The following PIP5K1B variants were observed in gnomAD, a reference collection of about 807,000 sequenced individuals.
The protein encoded by PIP5K1B is phosphatidylinositol 4-phosphate 5-kinase type-1 beta.
A neutral mutation model predicts 67.0 loss-of-function variants in PIP5K1B; 42 were observed. The ratio of observed to expected loss-of-function variants is 0.63; its 90% CI spans 0.49 to 0.81. The LOEUF (loss-of-function observed/expected upper bound fraction) is 0.81. Among genes scored for constraint, PIP5K1B ranks in the 30% least tolerant of loss-of-function variants. The pLI, the probability that PIP5K1B is intolerant of heterozygous loss-of-function variation, is 0.00. For missense variants in PIP5K1B, 459 were observed against 646.3 expected (o/e 0.71, Z 3.14); for synonymous variants, 214 against 231.4 (o/e 0.92, Z 0.68).
chr9:68,804,496 C>G (rs1460556628), intron 2 of PIP5K1B, among the ~76,000 whole-genome samples: 1 of 152,024 alleles, frequency 6.6e-6, no homozygotes, highest in Admixed American at 6.6e-5. Context: ...TTAAGAGCCA[C>G]TTTGGAACTG....
chr9:68,847,034 A>G (rs1279323973), intron 4 of PIP5K1B, among the ~76,000 whole-genome samples: 2 of 152,036 alleles, frequency 1.3e-5, no homozygotes, highest in East Asian at 3.9e-4. Context: ...CTTCATTTTT[A>G]TTTTTTTCTT....
intron 8 of PIP5K1B, among the ~76,000 whole-genome samples, chr9:68,915,951 G>A (rs1320815153): frequency 6.6e-6 from 1 of 152,190 alleles, no homozygotes; most frequent in African/African-American, 2.4e-5. Flanking sequence ...TGAAGTGGCA[G>A]CCACAGGTAA....
chr9:68,748,572 G>A (rs1183342410), intron 2 of PIP5K1B, among the ~76,000 whole-genome samples: 3 of 150,372 alleles, frequency 2.0e-5, no homozygotes, highest in African/African-American at 7.3e-5. Flanking sequence ...TAGTTTTCTT[G>A]CAGTAGGCAC....
chr9:68,730,321 A>AT (rs959621234), intron 1 of PIP5K1B, among the ~76,000 whole-genome samples: 10 of 152,204 alleles, frequency 6.6e-5, no homozygotes, highest in African/African-American at 2.2e-4. Flanking sequence ...GGTCAACAAG[A>AT]TTTGGAGCAC....
chr9:68,879,210 G>A (rs1351519364), intron 6 of PIP5K1B, among the ~76,000 whole-genome samples: 1 of 152,224 alleles, frequency 6.6e-6, no homozygotes, highest in Admixed American at 6.5e-5. Context: ...ATCTATGGAT[G>A]AAATGGTTTG....
intron 4 of PIP5K1B, among the ~76,000 whole-genome samples, chr9:68,845,498 T>A (rs947154053): frequency 6.6e-6 from 1 of 152,160 alleles, no homozygotes; most frequent in Non-Finnish European, 1.5e-5. Context: ...GGGCTGATCC[T>A]GGCCTCCGGG....
chr9:68,780,566 C>T (rs1341267202), intron 2 of PIP5K1B: 3 of 1,614,230 alleles, frequency 1.9e-6, no homozygotes, highest in Non-Finnish European at 2.5e-6. Context: ...CCGCCTCCCC[C>T]AAGCGCATCG....
chr9:68,730,276 G>A (rs1296471807), intron 1 of PIP5K1B, among the ~76,000 whole-genome samples: 1 of 152,162 alleles, frequency 6.6e-6, no homozygotes, highest in East Asian at 1.9e-4. Flanking sequence ...TCACTTAAAG[G>A]AGGTATATCA....
In PIP5K1B at chr9:68,713,324, G is replaced by A. The variant is rs150076487; in HGVS notation, c.-243+7562G>A. Among the ~76,000 whole-genome samples, 246 of 152,218 alleles carry A rather than the reference G, an allele frequency of 1.6e-3. 1 individual carries two copies. The East Asian group carries it at 0.025, about 15-fold the overall frequency. On this transcript the variant is annotated intron_variant, in intron 1 of 15. Coordinates refer to ENST00000265382, the MANE Select transcript of PIP5K1B (RefSeq NM_003558.4). ...TGAGGCAGGAGAATCGCTTGAACCCGGGATGCAGAGGTTGCAATGAGCCAA... is the reference window on the plus strand; with the variant it reads ...TGAGGCAGGAGAATCGCTTGAACCCAGGATGCAGAGGTTGCAATGAGCCAA...
intron 13 of PIP5K1B, 77 bp downstream of exon 13, chr9:68,935,122 T>C (rs1369250608): frequency 1.7e-5 from 21 of 1,202,246 alleles, no homozygotes; most frequent in East Asian, 2.4e-5. Flanking sequence ...AGAAGAAAAA[T>C]TTAAAAATAC....
In PIP5K1B at chr9:68,705,620, GCCCTCCCGC is replaced by G. The variant is rs962773064; in HGVS notation, c.-361_-353del. 0.024 allele frequency: 306 copies of G among 12,710 alleles called. 5 individuals are homozygous for G. The East Asian group carries it at 0.25, about 10-fold the overall frequency. 0.8% of individuals were successfully genotyped at this position (12,710 alleles called of 1,614,324 possible). On this transcript the variant is annotated 5_prime_UTR_variant, in exon 1 of 16. Coordinates refer to ENST00000265382, the MANE Select transcript of PIP5K1B (RefSeq NM_003558.4). ...CCCGGCCCCGCCCGCCGCCCCCTCC[GCCCTCCCGC>G]CCCTCCCGCCCCTCCCGCCCCTCGC...
chr9:68,908,452 T>G (rs1825718338), intron 8 of PIP5K1B, among the ~76,000 whole-genome samples: 1 of 150,672 alleles, frequency 6.6e-6, no homozygotes, highest in East Asian at 1.9e-4. Flanking sequence ...AAAAAAAGCC[T>G]TGGTACAGGT....
chr9:68,979,496 G>T (rs1031549260), intron 14 of PIP5K1B, among the ~76,000 whole-genome samples: 2 of 26,550 alleles, frequency 7.5e-5, no homozygotes, highest in African/African-American at 2.1e-4. Context: ...ACTTGGATGA[G>T]GGTTCCTCTT....
At chr9:68,970,939 G>T (rs569377534) in intron 14 of PIP5K1B, among the ~76,000 whole-genome samples, 9 of 152,244 alleles carry the variant, frequency 5.9e-5, no homozygotes, top group African/African-American at 2.2e-4. Context: ...GCTTGCTAGA[G>T]TCAAATTTTG....
chr9:68,821,595 A>G (rs1833734228), intron 3 of PIP5K1B, among the ~76,000 whole-genome samples: 1 of 152,238 alleles, frequency 6.6e-6, no homozygotes, highest in Non-Finnish European at 1.5e-5. Flanking sequence ...GTGTAATGAA[A>G]CAAGCCCCCA....
intron 4 of PIP5K1B, among the ~76,000 whole-genome samples, chr9:68,847,143 C>T (rs1822231263): frequency 6.6e-6 from 1 of 152,088 alleles, no homozygotes; most frequent in African/African-American, 2.4e-5. Flanking sequence ...ACGAGTGGCC[C>T]AGTGAACACT....
rs546740009 is a variant in PIP5K1B at position 68,725,257 on chromosome 9, C to T, written c.-242-17244C>T. Among the ~76,000 whole-genome samples, 171 of 152,290 alleles carry T rather than the reference C, an allele frequency of 1.1e-3. 1 individual carries two copies. The highest frequency in any genetic ancestry group is 3.7e-3 in the African/African-American group (154 of 41,560). ...AGTGAGAGCCCTTATCCAAGAAACA[C>T]GGATTCTGTCTGACTCATCCGGCCT... On this transcript the variant is annotated intron_variant, in intron 1 of 15. Coordinates refer to ENST00000265382, the MANE Select transcript of PIP5K1B (RefSeq NM_003558.4).
At chr9:68,982,758 TC>T (rs572607266) in intron 14 of PIP5K1B, among the ~76,000 whole-genome samples, 199 of 8,764 alleles carry the variant, frequency 0.023, no homozygotes, top group Non-Finnish European at 0.071. Flanking sequence ...AGACTCCATC[TC>T]AAAAAAAAAA....
intron 5 of PIP5K1B, among the ~76,000 whole-genome samples, chr9:68,868,509 A>AT (rs1204077482): frequency 6.6e-6 from 1 of 152,234 alleles, no homozygotes; most frequent in Non-Finnish European, 1.5e-5. Context: ...TAAAGCCGAG[A>AT]TTTTAACTCA....
Sources: allele counts gnomAD v4.1 joint callset (sites outside exome capture counted in the v4.1 genomes callset), GRCh38; gene constraint gnomAD v4.1.1; transcripts MANE v1.5; gene names NCBI Gene and HGNC (gene_info 2026-07-23, HGNC 2026-07-21).